SH3GL3: variants seen among roughly 807,000 people sequenced by gnomAD.
The protein encoded by SH3GL3 is endophilin-A3.
A neutral mutation model predicts 47.7 loss-of-function variants in SH3GL3; 33 were observed. The observed-to-expected ratio is 0.69, with a 90% confidence interval of 0.52 to 0.92. SH3GL3 has a LOEUF of 0.92. Ranked by LOEUF, SH3GL3 falls within the 40% of genes least tolerant of loss-of-function variation. The pLI, the probability that SH3GL3 is intolerant of heterozygous loss-of-function variation, is 0.00. For missense variants in SH3GL3, 363 were observed against 417.8 expected (o/e 0.87, Z 1.14); for synonymous variants, 155 against 148.8 (o/e 1.04, Z -0.30).
At chr15:83,614,117 G>A (rs1464446067) in intron 8 of SH3GL3, among the ~76,000 whole-genome samples, 1 of 152,138 alleles carries the variant, frequency 6.6e-6, no homozygotes, top group Non-Finnish European at 1.5e-5. Context: ...TCAGTGCTCA[G>A]CCCCCACCTG....
At chr15:83,604,641 G>A (rs774131374) in intron 8 of SH3GL3, among the ~76,000 whole-genome samples, 2 of 152,166 alleles carry the variant, frequency 1.3e-5, no homozygotes, top group South Asian at 2.1e-4. Context: ...AATGACAATA[G>A]CAACTACACT....
At position 83,447,570 on chromosome 15, in the gene SH3GL3, G is replaced by A. The variant is rs1331892701; in HGVS notation, c.37G>A (p.Ala13Thr). ...VAGLKKQFHK[A>T]SQLFSEKISG... is the part of the protein sequence containing the mutation. ...CGGGCTGAAGAAGCAGTTCCACAAA[G>A]CCAGCCAGGTAGGGAGGCGCAGAGG... is the stretch of plus-strand genomic sequence containing the variant. The change falls in exon 1 of 9, where the codon GCC becomes ACC. Residue 13 changes from alanine to threonine, a missense_variant. By Grantham distance (58) the Ala-to-Thr change is moderately conservative. Transcript: ENST00000427482. This position sits in a 1 kb window ranked among gnomAD's most constrained non-coding sequence, Gnocchi z 5.1. 10 of 1,506,700 alleles carry A rather than the reference G, an allele frequency of 6.6e-6. No homozygotes were observed. Among genetic ancestry groups the A allele is most frequent in the Non-Finnish European group, 8.9e-6 (10 of 1,125,494 alleles). 93.3% of individuals were successfully genotyped at this position (1,506,700 alleles called of 1,614,324 possible).
downstream of SH3GL3, among the ~76,000 whole-genome samples, chr15:83,622,574 T>G (rs1184514370): frequency 6.6e-6 from 1 of 152,258 alleles, no homozygotes; most frequent in Non-Finnish European, 1.5e-5. Flanking sequence ...ATGAGACTTG[T>G]GTCTGTTGAC....
chr15:83,543,157 T>A (rs1368407660), intron 1 of SH3GL3, among the ~76,000 whole-genome samples: 2 of 152,142 alleles, frequency 1.3e-5, no homozygotes, highest in African/African-American at 4.8e-5. Flanking sequence ...GTTCCTTCAA[T>A]ATCCAGTTTT....
In SH3GL3 at chr15:83,493,910, T is replaced by C. The variant is rs530062402; in HGVS notation, c.45+46332T>C. 2.3e-3 allele frequency among the ~76,000 whole-genome samples: 349 copies of C among 152,276 alleles called. 1 individual carries two copies. The highest frequency in any genetic ancestry group is 3.5e-3 in the Non-Finnish European group (236 of 68,010). ...GCCAAACACCCCAGGGGTGTTATAA[T>C]TGGGGGGTGGGCAGCCACTGGGAGA... On this transcript the variant is annotated intron_variant, in intron 1 of 8. Coordinates refer to ENST00000427482, the MANE Select transcript of SH3GL3 (RefSeq NM_003027.5).
At chr15:83,623,168 T>C (rs2060919558), downstream of SH3GL3, among the ~76,000 whole-genome samples, 1 of 152,238 alleles carries the variant, frequency 6.6e-6, no homozygotes, top group Admixed American at 6.5e-5. Flanking sequence ...TGGAGGTAGA[T>C]ACCACCAAAC....
intron 1 of SH3GL3, 28 bp from the exon 2 acceptor site, chr15:83,559,225 A>G (rs773579528): frequency 7.2e-6 from 9 of 1,245,500 alleles, no homozygotes; most frequent in South Asian, 6.0e-5. Flanking sequence ...TCATTGTACA[A>G]TGCAATTATT....
the SH3GL3 span, among the ~76,000 whole-genome samples, chr15:83,624,504 A>C: frequency 6.6e-6 from 1 of 152,238 alleles, no homozygotes; most frequent in Non-Finnish European, 1.5e-5. Flanking sequence ...AAATATTAAC[A>C]TCAAGGTGAG....
intron 8 of SH3GL3, among the ~76,000 whole-genome samples, chr15:83,615,157 G>C (rs2151850787): frequency 6.6e-6 from 1 of 151,534 alleles, no homozygotes; most frequent in Non-Finnish European, 1.5e-5. Flanking sequence ...AAGAAAAAAA[G>C]TATGAACTAG....
chr15:83,484,710 C>A (rs565787202), intron 1 of SH3GL3, among the ~76,000 whole-genome samples: 47 of 152,212 alleles, frequency 3.1e-4, no homozygotes, highest in African/African-American at 1.1e-3. Context: ...TCTTCATAAT[C>A]CTGTTATGAA....
intron 8 of SH3GL3, among the ~76,000 whole-genome samples, chr15:83,598,225 C>G (rs778339425): frequency 4.6e-5 from 7 of 152,160 alleles, no homozygotes; most frequent in Non-Finnish European, 1.0e-4. Flanking sequence ...GCTCCTGGCA[C>G]TGGTACAAAC....
intron 1 of SH3GL3, among the ~76,000 whole-genome samples, chr15:83,477,380 A>G (rs2041148848): frequency 1.3e-5 from 2 of 152,026 alleles, no homozygotes; most frequent in Non-Finnish European, 2.9e-5. Context: ...TTTCTTGCCA[A>G]TTCTCTACTT....
chr15:83,496,280 A>G (rs185453390), intron 1 of SH3GL3, among the ~76,000 whole-genome samples: 1 of 150,590 alleles, frequency 6.6e-6, no homozygotes, highest in African/African-American at 2.4e-5. Context: ...AATTGCTTGA[A>G]CCCAGGAAGT....
chr15:83,560,369 G>C (rs2045204193), intron 2 of SH3GL3, among the ~76,000 whole-genome samples: 1 of 152,180 alleles, frequency 6.6e-6, no homozygotes, highest in South Asian at 2.1e-4. Context: ...TGCCTTGAGG[G>C]AGAAAAGCTT....
At chr15:83,463,727 G>A (rs1180961157) in intron 1 of SH3GL3, among the ~76,000 whole-genome samples, 1 of 149,796 alleles carries the variant, frequency 6.7e-6, no homozygotes, top group Non-Finnish European at 1.5e-5. Context: ...TTAAATATTT[G>A]AGGAAGTTAT....
chr15:83,584,724 A>G (rs1425979810), intron 6 of SH3GL3, among the ~76,000 whole-genome samples: 1 of 152,188 alleles, frequency 6.6e-6, no homozygotes, highest in Non-Finnish European at 1.5e-5. Context: ...ATATCACGTG[A>G]ACATTTTCAT....
At chr15:83,500,260 G>A (rs548715082) in intron 1 of SH3GL3, among the ~76,000 whole-genome samples, 6 of 152,300 alleles carry the variant, frequency 3.9e-5, no homozygotes, top group Admixed American at 1.3e-4. Flanking sequence ...GGAAATTTGA[G>A]ATAAGGAAAT....
chr15:83,603,841 T>A (rs1346591573), intron 8 of SH3GL3, among the ~76,000 whole-genome samples: 2 of 152,190 alleles, frequency 1.3e-5, no homozygotes, highest in Non-Finnish European at 2.9e-5. Context: ...ATCTAACAGG[T>A]CACTGGGTTT....
chr15:83,627,667 C>T, the SH3GL3 span, among the ~76,000 whole-genome samples: 1 of 152,066 alleles, frequency 6.6e-6, no homozygotes, highest in East Asian at 1.9e-4. Context: ...TAGGCTAGGG[C>T]CTTGGGCCTT....
Sources: allele counts gnomAD v4.1 joint callset (sites outside exome capture counted in the v4.1 genomes callset), GRCh38; gene constraint gnomAD v4.1.1; non-coding constraint Gnocchi (gnomAD v3.1); transcripts MANE v1.5; gene names NCBI Gene and HGNC (gene_info 2026-07-23, HGNC 2026-07-21).